Variants in TSKU observed in about 807,000 individuals in gnomAD.
TSKU encodes tsukushi, small leucine rich proteoglycan.
Under a neutral mutation model 11.2 loss-of-function variants are expected in TSKU, and 4 were observed. The observed-to-expected ratio is 0.36, with a 90% CI of 0.18 to 0.82. TSKU has a LOEUF of 0.82. Among genes scored for constraint, TSKU ranks in the 40% least tolerant of loss-of-function variants. TSKU has a pLI of 0.50. For missense variants in TSKU, 407 were observed against 482.5 expected (o/e 0.84, Z 1.47); for synonymous variants, 220 against 232.2 (o/e 0.95, Z 0.48).
chr11:76,786,341 G>A (rs914842025), intron 1 of TSKU, among the ~76,000 whole-genome samples: 2 of 152,228 alleles, frequency 1.3e-5, no homozygotes, highest in Non-Finnish European at 1.5e-5. Flanking sequence ...CTGGATGAGC[G>A]GCAGGTTAGA....
chr11:76,796,948 T>G lies in TSKU; in HGVS notation c.*270T>G. 3 of 281,466 alleles carry G rather than the reference T, an allele frequency of 1.1e-5. No individual in the cohort carries two copies. Among genetic ancestry groups the G allele is most frequent in the East Asian group, 6.5e-5 (1 of 15,432 alleles). The allele number at this position is 281,466 out of a possible 1,614,324, so 17.4% of individuals were successfully genotyped here. The stretch of plus-strand genomic sequence containing the variant: ...GACTCGGGTCCCCTCCTGCTTCCCT[T>G]CCCCACTTATCCCCCAAGTGCCTTC... On this transcript the variant is annotated 3_prime_UTR_variant, in exon 2 of 2. Coordinates refer to ENST00000333090, the MANE Select transcript of TSKU (RefSeq NM_015516.4). The surrounding 1 kb of genome is among the most constrained non-coding windows in gnomAD (Gnocchi z 4.1).
At chr11:76,786,519 G>A (rs1149614) in intron 1 of TSKU, among the ~76,000 whole-genome samples, 23,139 of 152,224 alleles carry the variant, frequency 0.15, 2,130 homozygotes, top group East Asian at 0.41. Context: ...TGTGGGATGG[G>A]TTTTAAAGAG....
Position 76,796,931 on chromosome 11 carries a change from T to G in TSKU, c.*253T>G. 2.9e-6 allele frequency: 1 copy of G among 345,848 alleles called. No individual in the cohort carries two copies. The allele number at this position is 345,848 out of a possible 1,614,324, so 21.4% of individuals were successfully genotyped here. ...ACTTCGATGCCAAACCAGACTCGGG[T>G]CCCCTCCTGCTTCCCTTCCCCACTT... On this transcript the variant is annotated 3_prime_UTR_variant, in exon 2 of 2. Transcript: ENST00000333090. The surrounding 1 kb of genome is among the most constrained non-coding windows in gnomAD (Gnocchi z 4.1).
chr11:76,784,719 C>T (rs1053054219), intron 1 of TSKU, among the ~76,000 whole-genome samples: 8 of 131,084 alleles, frequency 6.1e-5, no homozygotes, highest in Non-Finnish European at 9.2e-5. Context: ...TAAGTCTAGA[C>T]TTGCAGTGCC....
intron 1 of TSKU, among the ~76,000 whole-genome samples, chr11:76,795,193 G>A (rs1480961839): frequency 1.3e-5 from 2 of 152,150 alleles, no homozygotes; most frequent in African/African-American, 2.4e-5. Context: ...ACCAAACCAG[G>A]GACTCTGGAC....
chr11:76,796,390 C>G lies in TSKU; in HGVS notation c.774C>G (p.Val258=). ...SGFRELPGLQ[V]LDLSGNPKLN... Reference sequence around the variant, plus strand: ...TCCGTGAGCTACCGGGCCTGCAGGTCCTGGACCTGTCGGGCAACCCCAAGC... The same window carrying G: ...TCCGTGAGCTACCGGGCCTGCAGGTGCTGGACCTGTCGGGCAACCCCAAGC... The change falls in exon 2 of 2, where the codon GTC becomes GTG. Residue 258 remains valine, a synonymous_variant. Transcript: ENST00000333090. The surrounding 1 kb of genome is among the most constrained non-coding windows in gnomAD (Gnocchi z 4.1). 3.1e-6 allele frequency: 5 copies of G among 1,613,468 alleles called. No homozygotes were observed. The highest frequency in any genetic ancestry group is 4.2e-6 in the Non-Finnish European group (5 of 1,179,988).
In TSKU at chr11:76,797,270, A is replaced by G. The variant is rs79998295; in HGVS notation, c.*592A>G. 0.082 allele frequency: 13,733 copies of G among 167,170 alleles called. 1,075 individuals are homozygous for G. Among genetic ancestry groups the G allele is most frequent in the African/African-American group, 0.22 (9,157 of 41,538 alleles). 10.4% of individuals were successfully genotyped at this position (167,170 alleles called of 1,614,324 possible). A position where few individuals can be genotyped will look rare whatever the true frequency, so the allele number is the denominator to read the frequency against. On this transcript the variant is annotated 3_prime_UTR_variant, in exon 2 of 2. Coordinates refer to ENST00000333090, the MANE Select transcript of TSKU (RefSeq NM_015516.4). ...CCTTGAGAAGGAAAAAGGCTAATCTAAGTTCCTGCGGGCAGTGGCATGACT... is the reference window on the plus strand; with the variant it reads ...CCTTGAGAAGGAAAAAGGCTAATCTGAGTTCCTGCGGGCAGTGGCATGACT...
At chr11:76,791,118 G>A (rs560765946) in intron 1 of TSKU, among the ~76,000 whole-genome samples, 1 of 152,286 alleles carries the variant, frequency 6.6e-6, no homozygotes, top group African/African-American at 2.4e-5. Context: ...CTAGAGATTT[G>A]TGGAACTTTG....
In TSKU at chr11:76,797,111, T is replaced by G; in HGVS notation, c.*433T>G. 5.7e-6 allele frequency: 1 copy of G among 174,162 alleles called. No homozygotes were observed. Among genetic ancestry groups the G allele is most frequent in the Non-Finnish European group, 1.4e-5 (1 of 73,258 alleles). The allele number at this position is 174,162 out of a possible 1,614,324, so 10.8% of individuals were successfully genotyped here. On this transcript the variant is annotated 3_prime_UTR_variant, in exon 2 of 2. Coordinates refer to ENST00000333090, the MANE Select transcript of TSKU (RefSeq NM_015516.4). Reference sequence around the variant, plus strand: ...GTCACTCAGGGGCGAGTTTCTTTTCTAACATAGCCCTTTCTTTGCCATGAG... The same window carrying G: ...GTCACTCAGGGGCGAGTTTCTTTTCGAACATAGCCCTTTCTTTGCCATGAG...
At chr11:76,794,255 G>C (rs1315020541) in intron 1 of TSKU, among the ~76,000 whole-genome samples, 1 of 152,258 alleles carries the variant, frequency 6.6e-6, no homozygotes, top group African/African-American at 2.4e-5. Context: ...AGGAGCTACA[G>C]TGGACGTGAA....
At position 76,796,630 on chromosome 11, in the gene TSKU, C is replaced by A; in HGVS notation, c.1014C>A (p.His338Gln). ...RPGSSPKVAL[H>Q]CVDTRDSAAR... The stretch of plus-strand genomic sequence containing the variant: ...GCTCCAGCCCCAAGGTGGCCCTGCA[C>A]TGCGTAGACACCCGGGATTCTGCTG... The change falls in exon 2 of 2, where the codon CAC becomes CAA. Residue 338 changes from histidine (H) to glutamine (Q), a missense_variant. His to Gln is a conservative substitution (Grantham distance 24). Coordinates refer to ENST00000333090, the MANE Select transcript of TSKU (RefSeq NM_015516.4). This position sits in a 1 kb window ranked among gnomAD's most constrained non-coding sequence, Gnocchi z 4.1. The A allele has an allele frequency of 6.8e-7, 1 of 1,465,122 alleles. No homozygotes were observed. The highest frequency in any genetic ancestry group is 9.0e-7 in the Non-Finnish European group (1 of 1,106,706). The allele number at this position is 1,465,122 out of a possible 1,614,324, so 90.8% of individuals were successfully genotyped here.
chr11:76,782,813 A>C (rs1484599962), upstream of TSKU: 2 of 151,532 alleles, frequency 1.3e-5, no homozygotes, highest in Non-Finnish European at 2.9e-5. Context: ...TCTGCTTCAG[A>C]TTCTTGGTTT....
chr11:76,788,770 C>T, intron 1 of TSKU, among the ~76,000 whole-genome samples: 1 of 152,190 alleles, frequency 6.6e-6, no homozygotes, highest in East Asian at 1.9e-4. Context: ...CCTGCTCTTC[C>T]TCCACACACC....
rs1269013160 is a variant in TSKU at position 76,796,479 on chromosome 11, G to A, written c.863G>A (p.Gly288Asp). The A allele has an allele frequency of 1.9e-6, 3 of 1,612,662 alleles. No individual in the cohort carries two copies. Among genetic ancestry groups the A allele is most frequent in the South Asian group, 1.1e-5 (1 of 91,062 alleles). Residue 288 changes from glycine to aspartate, a missense_variant, in exon 2 of 2, where the codon GGC becomes GAC. Transcript: ENST00000333090. This position sits in a 1 kb window ranked among gnomAD's most constrained non-coding sequence, Gnocchi z 4.1. Reference sequence around the variant, plus strand: ...TCCCTGCAGGAGCTGGACCTTTCGGGCACCAACCTGGTGCCCCTGCCTGAG... The same window carrying A: ...TCCCTGCAGGAGCTGGACCTTTCGGACACCAACCTGGTGCCCCTGCCTGAG... ...LSSLQELDLS[G>D]TNLVPLPEAL...
chr11:76,784,119 G>A (rs1944278345), intron 1 of TSKU: 1 of 152,754 alleles, frequency 6.5e-6, no homozygotes, highest in African/African-American at 2.4e-5. Flanking sequence ...GCTGGGCAGG[G>A]GCTGGGCGGA....
In TSKU at chr11:76,795,589, A is replaced by G; in HGVS notation, c.-8-20A>G. ...AGACCATCTGGTGCATTCATTCCTC[A>G]CCTGTGGCTCTCTTTCTAGCCCCCA... On this transcript the variant is annotated intron_variant, in intron 1 of 1. Coordinates refer to ENST00000333090, the MANE Select transcript of TSKU (RefSeq NM_015516.4). 6.3e-7 allele frequency: 1 copy of G among 1,599,080 alleles called. No individual in the cohort carries two copies. The highest frequency in any genetic ancestry group is 8.5e-7 in the Non-Finnish European group (1 of 1,176,786).
chr11:76,795,747 G>A lies in TSKU; in HGVS notation c.131G>A (p.Cys44Tyr), dbSNP rs1269523791. The change falls in exon 2 of 2, where the codon TGT becomes TAT. Residue 44 changes from cysteine to tyrosine, a missense_variant. Coordinates refer to ENST00000333090, the MANE Select transcript of TSKU (RefSeq NM_015516.4). ...AGCTTCAGCCTGACTCGGGTGGATT[G>A]TAGCGGCCTGGGCCCCCACATCATG... The part of the protein sequence containing the change: ...FDSFSLTRVD[C>Y]SGLGPHIMPV... The A allele has an allele frequency of 1.9e-6, 3 of 1,614,208 alleles. No individual in the cohort carries two copies. The highest frequency in any genetic ancestry group is 1.3e-5 in the African/African-American group (1 of 75,062).
intron 1 of TSKU, among the ~76,000 whole-genome samples, chr11:76,790,433 CACGAACGATCTCT>C (rs1366848615): frequency 6.6e-6 from 1 of 152,210 alleles, no homozygotes; most frequent in Non-Finnish European, 1.5e-5. Context: ...GGGTGTTTCA[CACGAACGATCTCT>C]AGCCCTTGCG....
intron 1 of TSKU, among the ~76,000 whole-genome samples, chr11:76,788,301 G>T (rs1160031638): frequency 6.6e-6 from 1 of 151,938 alleles, no homozygotes; most frequent in Non-Finnish European, 1.5e-5. Flanking sequence ...CGAGGGCGGT[G>T]GGGGGAGCTG....
Sources: allele counts gnomAD v4.1 joint callset (sites outside exome capture counted in the v4.1 genomes callset), GRCh38; gene constraint gnomAD v4.1.1; non-coding constraint Gnocchi (gnomAD v3.1); transcripts MANE v1.5; gene names NCBI Gene and HGNC (gene_info 2026-07-23, HGNC 2026-07-21).